Variants in FRMPD2 observed in about 807,000 individuals in gnomAD.
The protein encoded by FRMPD2 is FERM and PDZ domain containing 2, also known as FERM and PDZ domain-containing protein 2.
In FRMPD2, 96 loss-of-function variants were observed where a neutral mutation model predicts 140.1. The observed-to-expected ratio is 0.69, with a 90% CI of 0.58 to 0.81. The LOEUF (loss-of-function observed/expected upper bound fraction) is 0.81, where lower values mean the gene tolerates loss of function less well. Among genes scored for constraint, FRMPD2 ranks in the 40% least tolerant of loss-of-function variants. The pLI is 0.00. For missense variants in FRMPD2, 1,240 were observed against 1,447.4 expected, an observed-to-expected ratio of 0.86 and a Z score of 2.32; for synonymous variants, 449 against 547.6, an observed-to-expected ratio of 0.82 and a Z score of 2.52.
At chr10:48,253,410 G>T (rs1253330340) in intron 1 of FRMPD2, among the ~76,000 whole-genome samples, 1 of 152,134 alleles carries the variant, frequency 6.6e-6, no homozygotes, top group Non-Finnish European at 1.5e-5. Context: ...CCAATAAAAT[G>T]AACAGCTGAT....
intron 7 of FRMPD2, 148 bp downstream of exon 7, chr10:48,239,457 C>T: frequency 3.6e-6 from 2 of 555,204 alleles, no homozygotes; most frequent in East Asian, 3.0e-5. Flanking sequence ...TTAAATGTGG[C>T]TTCTTCATCT....
chr10:48,250,915 G>A (rs369531234), intron 2 of FRMPD2, among the ~76,000 whole-genome samples: 6 of 149,168 alleles, frequency 4.0e-5, no homozygotes, highest in South Asian at 4.3e-4. Flanking sequence ...TCCTGTCTCC[G>A]CCTCCCGAGT....
At chr10:48,206,484 C>T (rs1450469985) in intron 14 of FRMPD2, among the ~76,000 whole-genome samples, 3 of 152,156 alleles carry the variant, frequency 2.0e-5, no homozygotes, top group Admixed American at 6.5e-5. Context: ...GCCCTTTAGA[C>T]CAATGGCTGT....
intron 1 of FRMPD2, among the ~76,000 whole-genome samples, chr10:48,262,133 G>C (rs1840602524): frequency 6.6e-6 from 1 of 151,910 alleles, no homozygotes. Flanking sequence ...TAAATATAAA[G>C]GTCTAAGTAT....
At chr10:48,271,794 A>G (rs1231482127) in intron 1 of FRMPD2, among the ~76,000 whole-genome samples, 1 of 152,268 alleles carries the variant, frequency 6.6e-6, no homozygotes, top group East Asian at 1.9e-4. Flanking sequence ...GAATGAGAAT[A>G]GAAAAGCATA....
At chr10:48,211,597 A>G (rs1839324380) in intron 13 of FRMPD2, among the ~76,000 whole-genome samples, 1 of 152,182 alleles carries the variant, frequency 6.6e-6, no homozygotes, top group East Asian at 1.9e-4. Context: ...AGCCTGGCCA[A>G]CATGGGAAAA....
At position 48,249,141 on chromosome 10, in the gene FRMPD2, C is replaced by T. The variant is rs1190870162; in HGVS notation, c.189G>A (p.Leu63=). The part of the protein sequence containing the change: ...SDYVVCPWSA[L]LSAAGSLSFQ... Reference sequence around the variant, plus strand: ...AAGAAAGGCTTCCAGCTGCAGAAAGCAGGGCTGACCAGGGGCAAACCACAT... The same window carrying T: ...AAGAAAGGCTTCCAGCTGCAGAAAGTAGGGCTGACCAGGGGCAAACCACAT... The change falls in exon 3 of 29, where the codon CTG becomes CTA. Residue 63 remains leucine (L), a synonymous_variant. Coordinates refer to ENST00000374201, the MANE Select transcript of FRMPD2 (RefSeq NM_001018071.4). The T allele has an allele frequency of 1.2e-6, 2 of 1,614,098 alleles. No homozygotes were observed. The highest frequency in any genetic ancestry group is 2.2e-5 in the South Asian group (2 of 91,076).
chr10:48,177,975 G>T, intron 22 of FRMPD2, 72 bp downstream of exon 22: 1 of 665,036 alleles, frequency 1.5e-6, no homozygotes, highest in Non-Finnish European at 2.8e-6. Context: ...GTTGCCATCT[G>T]GGTGGAATGG....
intron 1 of FRMPD2, among the ~76,000 whole-genome samples, chr10:48,274,336 T>C (rs1225267722): frequency 6.6e-6 from 1 of 152,190 alleles, no homozygotes; most frequent in Non-Finnish European, 1.5e-5. Flanking sequence ...CTGAGCCCAT[T>C]CTTTATTGCT....
At chr10:48,201,207 G>A (rs770627341) in intron 15 of FRMPD2, 21 bp downstream of exon 15, 1 of 1,571,778 alleles carries the variant, frequency 6.4e-7, no homozygotes, top group South Asian at 1.2e-5. Flanking sequence ...AGTGTATATG[G>A]AGAATACAGC....
intron 12 of FRMPD2, among the ~76,000 whole-genome samples, chr10:48,214,342 G>C (rs780814911): frequency 2.6e-5 from 4 of 152,108 alleles, no homozygotes; most frequent in Non-Finnish European, 4.4e-5. Context: ...ATAGCATAAT[G>C]GTAGATACAT....
Position 48,232,196 on chromosome 10 carries a change from T to C in FRMPD2, c.1087A>G (p.Thr363Ala), listed in dbSNP as rs746739841. 1.3e-5 allele frequency: 21 copies of C among 1,614,092 alleles called. No homozygotes were observed. In the South Asian group the frequency reaches 2.2e-4, roughly 17 times the overall value. ...ACGGCATTGAAGACAGCTCCCACTG[T>C]TGATTCAACATCACATTTTACCTCC... The part of the protein sequence containing the change: ...HLEVKCDVES[T>A]VGAVFNAVTS... Residue 363 changes from threonine (T) to alanine (A), a missense_variant, in exon 10 of 29, where the codon ACA becomes GCA. Transcript: ENST00000374201.
Position 48,200,216 on chromosome 10 carries a change from C to T in FRMPD2, c.1954+1012G>A, listed in dbSNP as rs182585801. On this transcript the variant is annotated intron_variant, in intron 15 of 28. Coordinates refer to ENST00000374201, the MANE Select transcript of FRMPD2 (RefSeq NM_001018071.4). ...AATAAATAAAACAGAGCCAAGCAACCATTTGCTGACTAGAGGTCACACAGG... is the reference window on the plus strand; with the variant it reads ...AATAAATAAAACAGAGCCAAGCAACTATTTGCTGACTAGAGGTCACACAGG... Among the ~76,000 whole-genome samples the T allele has an allele frequency of 4.7e-5, 7 of 150,420 alleles. No individual in the cohort carries two copies. The East Asian group carries it at 1.2e-3, about 25-fold the overall frequency.
At chr10:48,251,000 A>G (rs1840366227) in intron 2 of FRMPD2, among the ~76,000 whole-genome samples, 2 of 150,868 alleles carry the variant, frequency 1.3e-5, no homozygotes, top group South Asian at 4.2e-4. Context: ...ATGGAGTTTC[A>G]CCATGTTGGC....
At chr10:48,244,874 TA>T in intron 3 of FRMPD2, 25 bp from the exon 4 acceptor site, 4 of 1,516,110 alleles carry the variant, frequency 2.6e-6, no homozygotes, top group African/African-American at 1.4e-5. Flanking sequence ...AGTACATGAT[TA>T]GATTTCAATC....
intron 17 of FRMPD2, among the ~76,000 whole-genome samples, chr10:48,186,459 G>A (rs553459230): frequency 7.2e-5 from 11 of 152,294 alleles, no homozygotes; most frequent in African/African-American, 2.6e-4. Context: ...ACTGAATCAC[G>A]GGGGCTGGTC....
In FRMPD2 at chr10:48,241,987, T is replaced by C. The variant is rs189031062; in HGVS notation, c.567+174A>G. 5.2e-4 allele frequency: 254 copies of C among 491,880 alleles called. 2 individuals carry two copies. The East Asian group carries it at 7.7e-3, about 15-fold the overall frequency. 30.5% of individuals were successfully genotyped at this position (491,880 alleles called of 1,614,324 possible). A position where few individuals can be genotyped will look rare whatever the true frequency, so the allele number is the denominator to read the frequency against. On this transcript the variant is annotated intron_variant, in intron 5 of 28. Transcript: ENST00000374201. ...CAAGAATGTTCTAGATCCACCCTGT[T>C]CAATAGGGTCATCACCTGCTACGAG...
intron 25 of FRMPD2, among the ~76,000 whole-genome samples, chr10:48,171,609 T>C (rs1488255846): frequency 6.6e-6 from 1 of 151,904 alleles, no homozygotes; most frequent in Non-Finnish European, 1.5e-5. Context: ...TAACGAGATA[T>C]TTTTTATTCT....
chr10:48,261,544 G>A (rs1231693059), intron 1 of FRMPD2, among the ~76,000 whole-genome samples: 4 of 152,080 alleles, frequency 2.6e-5, no homozygotes, highest in Non-Finnish European at 4.4e-5. Flanking sequence ...CTAGAACTCT[G>A]TATACTGCAA....
Sources: gnomAD v4.1 joint callset for allele counts (sites outside exome capture counted in the v4.1 genomes callset) on GRCh38, gnomAD v4.1.1 for gene constraint, MANE v1.5 for transcripts, NCBI Gene and HGNC (gene_info 2026-07-23, HGNC 2026-07-21) for gene names.